The following TCF12 variants were observed in gnomAD, a reference collection of about 807,000 sequenced individuals.
TCF12 encodes the protein transcription factor 12, also known as DNA-binding protein HTF4.
In TCF12, 45 loss-of-function variants were observed where a neutral mutation model predicts 86.0. The ratio of observed to expected loss-of-function variants is 0.52; its 90% CI spans 0.41 to 0.67. The LOEUF (loss-of-function observed/expected upper bound fraction) is 0.67. TCF12 is among the 30% of genes least tolerant of loss of function. The pLI, the probability that TCF12 is intolerant of heterozygous loss-of-function variation, is 0.00. For missense variants in TCF12, 881 were observed against 859.9 expected, an observed-to-expected ratio of 1.02 and a Z score of -0.31; for synonymous variants, 330 against 299.6, an observed-to-expected ratio of 1.10 and a Z score of -1.05.
At chr15:56,936,751 T>C (rs1197719708) in intron 3 of TCF12, among the ~76,000 whole-genome samples, 1 of 152,218 alleles carries the variant, frequency 6.6e-6, no homozygotes, top group Non-Finnish European at 1.5e-5. Context: ...TTCCCCACTT[T>C]AGTTTTTGTT....
chr15:57,273,099 T>C lies in TCF12; in HGVS notation c.1815T>C (p.Ala605=). The C allele has an allele frequency of 6.2e-7, 1 of 1,614,220 alleles. No individual in the cohort carries two copies. Among genetic ancestry groups the C allele is most frequent in the Non-Finnish European group, 8.5e-7 (1 of 1,180,020 alleles). Reference sequence around the variant, plus strand: ...AAAGGGAGAAGGAGAGGCGGATGGCTAACAATGCCAGAGAACGCTTACGCG... The same window carrying C: ...AAAGGGAGAAGGAGAGGCGGATGGCCAACAATGCCAGAGAACGCTTACGCG... ...KIEREKERRM[A]NNARERLRVR... Residue 605 remains alanine (A), a synonymous_variant, in exon 19 of 21, where the codon GCT becomes GCC. Transcript: ENST00000333725.
intron 2 of TCF12, among the ~76,000 whole-genome samples, chr15:56,920,487 C>CGTGTGT (rs71113033): frequency 0.095 from 13,925 of 146,508 alleles, 829 homozygotes; most frequent in African/African-American, 0.16. Context: ...CACACACACA[C>CGTGTGT]GTGTGTGTGT....
chr15:56,932,837 C>T (rs1280937414), intron 3 of TCF12, among the ~76,000 whole-genome samples: 1 of 152,176 alleles, frequency 6.6e-6, no homozygotes, highest in Non-Finnish European at 1.5e-5. Context: ...GTGTGAGCTA[C>T]TGTGCCTGGC....
intron 18 of TCF12, among the ~76,000 whole-genome samples, chr15:57,269,460 G>T (rs2061028028): frequency 1.4e-5 from 2 of 143,440 alleles, no homozygotes. Flanking sequence ...CTTTGCGCAT[G>T]AAGTGGGTCT....
chr15:57,063,276 G>A (rs1183792416), intron 3 of TCF12, among the ~76,000 whole-genome samples: 1 of 152,128 alleles, frequency 6.6e-6, no homozygotes, highest in African/African-American at 2.4e-5. Flanking sequence ...TTAGTTTGAT[G>A]TCATCAGTTA....
chr15:56,972,973 T>C (rs1208164262), intron 3 of TCF12, among the ~76,000 whole-genome samples: 3 of 152,144 alleles, frequency 2.0e-5, no homozygotes, highest in African/African-American at 7.2e-5. Context: ...CCTGGAGAGC[T>C]ATGGGCTAGC....
intron 8 of TCF12, among the ~76,000 whole-genome samples, chr15:57,210,503 A>G (rs1386060565): frequency 6.6e-6 from 1 of 152,094 alleles, no homozygotes; most frequent in Non-Finnish European, 1.5e-5. Flanking sequence ...AGTTATTTCT[A>G]TTTACATGGA....
At chr15:56,937,656 T>A (rs1322590162) in intron 3 of TCF12, among the ~76,000 whole-genome samples, 1 of 152,144 alleles carries the variant, frequency 6.6e-6, no homozygotes, top group Non-Finnish European at 1.5e-5. Context: ...AACTTTTCCC[T>A]GTTCAGTATT....
At chr15:56,996,098 T>C (rs1205362012) in intron 3 of TCF12, among the ~76,000 whole-genome samples, 1 of 152,172 alleles carries the variant, frequency 6.6e-6, no homozygotes, top group African/African-American at 2.4e-5. Context: ...TATTGATTTG[T>C]GTATGTTGAA....
intron 5 of TCF12, among the ~76,000 whole-genome samples, chr15:57,106,585 G>A (rs895808419): frequency 2.0e-5 from 3 of 152,176 alleles, no homozygotes; most frequent in Non-Finnish European, 2.9e-5. Context: ...CCTTGTGCCT[G>A]TTATTGCCAT....
At chr15:57,176,097 C>CT (rs1385389211) in intron 6 of TCF12, among the ~76,000 whole-genome samples, 5 of 152,122 alleles carry the variant, frequency 3.3e-5, no homozygotes, top group Admixed American at 3.3e-4. Context: ...CCTCTGGAGG[C>CT]TGAGGCAGGA....
At chr15:56,959,844 C>T (rs2061665351) in intron 3 of TCF12, among the ~76,000 whole-genome samples, 1 of 151,882 alleles carries the variant, frequency 6.6e-6, no homozygotes, top group Non-Finnish European at 1.5e-5. Flanking sequence ...CAAAACACTC[C>T]TTATATATTG....
intron 3 of TCF12, among the ~76,000 whole-genome samples, chr15:57,060,665 A>C (rs768268475): frequency 6.6e-6 from 1 of 152,254 alleles, no homozygotes; most frequent in African/African-American, 2.4e-5. Flanking sequence ...TAATATGGGA[A>C]TGATAATTCA....
rs1032191497 is a variant in TCF12, at chr15:57,278,524, G to A, written c.1979-3921G>A. On this transcript the variant is annotated intron_variant, in intron 19 of 20. Transcript: ENST00000333725. The stretch of plus-strand genomic sequence containing the variant: ...AAAATAAACAGTTATATGAGCAAGG[G>A]AGCAATCACTGTAAAAAAAAAAATT... 2.8e-5 allele frequency: 4 copies of A among 141,336 alleles called. No individual in the cohort carries two copies. In the Admixed American group the frequency reaches 2.8e-4, roughly 10 times the overall value. The allele number at this position is 141,336 out of a possible 1,614,324, so 8.8% of individuals were successfully genotyped here. A position where few individuals can be genotyped will look rare whatever the true frequency, so the allele number is the denominator to read the frequency against.
rs186605502 is a variant in TCF12, at chr15:57,207,733, C to G, written c.579+9908C>G. On this transcript the variant is annotated intron_variant, in intron 8 of 20. Transcript: ENST00000333725. The stretch of plus-strand genomic sequence containing the variant: ...ACTAAGAAAACTTCAAGTTTTCTGA[C>G]TTGAGCTTGACAATTTTTTAAACTG... 5.6e-3 allele frequency among the ~76,000 whole-genome samples: 848 copies of G among 152,276 alleles called. 4 individuals carry two copies. Among genetic ancestry groups the G allele is most frequent in the African/African-American group, 0.016 (653 of 41,568 alleles).
chr15:56,918,848 G>C lies in TCF12; in HGVS notation c.-81G>C, dbSNP rs2059616509. The C allele has an allele frequency of 1.3e-5, 2 of 152,568 alleles. No individual in the cohort carries two copies. The highest frequency in any genetic ancestry group is 2.9e-5 in the Non-Finnish European group (2 of 68,272). The allele number at this position is 152,568 out of a possible 1,614,324, so 9.5% of individuals were successfully genotyped here. The stretch of plus-strand genomic sequence containing the variant: ...GCGGTGCAAGGGGAAGCCCAAGCCC[G>C]TTCTCCCGGCCAAAGTGAACTTTAA... On this transcript the variant is annotated 5_prime_UTR_variant, in exon 1 of 21. Transcript: ENST00000333725.
chr15:56,974,788 AT>A (rs1207958364), intron 3 of TCF12, among the ~76,000 whole-genome samples: 5 of 151,368 alleles, frequency 3.3e-5, no homozygotes, highest in Non-Finnish European at 5.9e-5. Context: ...CTAATTTCGT[AT>A]TTTTTTTTCT....
rs1358093423 is a variant in TCF12, at chr15:57,000,426, CAAAA to C, written c.149-63323_149-63320del. 8.6e-5 allele frequency among the ~76,000 whole-genome samples: 13 copies of C among 151,800 alleles called. No individual in the cohort carries two copies. The East Asian group carries it at 9.7e-4, about 11-fold the overall frequency. On this transcript the variant is annotated intron_variant, in intron 3 of 20. Coordinates refer to ENST00000333725, the MANE Select transcript of TCF12 (RefSeq NM_207037.2). The stretch of plus-strand genomic sequence containing the variant: ...AACACATGGGTCAATGAAGAAATCT[CAAAA>C]GAAAGTGTTTTAAACTAAATGAAAA...
intron 6 of TCF12, among the ~76,000 whole-genome samples, chr15:57,170,638 AT>A: frequency 3.0e-5 from 1 of 32,878 alleles, no homozygotes; most frequent in Admixed American, 4.4e-4. Flanking sequence ...TTATATATAT[AT>A]ATAATATATA....
Sources: gnomAD v4.1 joint callset for allele counts (sites outside exome capture counted in the v4.1 genomes callset) on GRCh38, gnomAD v4.1.1 for gene constraint, MANE v1.5 for transcripts, NCBI Gene and HGNC (gene_info 2026-07-23, HGNC 2026-07-21) for gene names.